The following CMTR1 variants were observed in gnomAD, a reference collection of about 807,000 sequenced individuals.
CMTR1 encodes cap methyltransferase 1, also known as cap-specific mRNA (nucleoside-2'-O-)-methyltransferase 1.
CMTR1 carries 39 observed loss-of-function variants against 107.0 expected under a neutral mutation model. That is an observed-to-expected ratio of 0.36 (90% CI 0.28 to 0.48). CMTR1 has a LOEUF of 0.48. Ranked by LOEUF, CMTR1 falls within the 20% of genes least tolerant of loss-of-function variation. CMTR1 has a pLI of 0.99. For synonymous variants in CMTR1, 366 were observed against 379.5 expected, an observed-to-expected ratio of 0.96 and a Z score of 0.41; for missense variants, 672 against 1,064.9, an observed-to-expected ratio of 0.63 and a Z score of 5.14.
upstream of CMTR1, among the ~76,000 whole-genome samples, chr6:37,431,278 T>A (rs768536039): frequency 1.4e-4 from 22 of 152,318 alleles, no homozygotes; most frequent in Non-Finnish European, 1.5e-4. Context: ...ATTTTGAGAA[T>A]GGGTCCATAA....
chr6:37,452,932 A>T (rs945356266), intron 6 of CMTR1, 115 bp from the exon 7 acceptor site: 14 of 861,394 alleles, frequency 1.6e-5, no homozygotes, highest in Middle Eastern at 3.5e-4. Flanking sequence ...GACATTTCAG[A>T]GCTGAGATGC....
At chr6:37,465,178 G>C (rs528706222) in intron 13 of CMTR1, among the ~76,000 whole-genome samples, 2 of 151,770 alleles carry the variant, frequency 1.3e-5, no homozygotes, top group East Asian at 1.9e-4. Flanking sequence ...TGAGGCAGGA[G>C]AATCGCTTGA....
chr6:37,462,906 A>C lies in CMTR1; in HGVS notation c.1403A>C (p.Asn468Thr), dbSNP rs147062806. ...CTCTTCGCAGTGAATATTAAACTCA[A>C]TCAGCTGCGGAACACGGATTCCGAC... ...DYLFAVNIKLNQLRNTDSDVN... is the reference protein window; with the variant it reads ...DYLFAVNIKLTQLRNTDSDVN... The change falls in exon 13 of 24, where the codon AAT (asparagine) becomes ACT (threonine). Residue 468 changes from asparagine to threonine, a missense_variant. Physicochemically the swap from Asn to Thr is moderately conservative, Grantham distance 65. Around this residue, in one of 2 missense-constraint regions of CMTR1, gnomAD observed 583 missense variants for 968.4 expected, o/e 0.60. Coordinates refer to ENST00000373451, the MANE Select transcript of CMTR1 (RefSeq NM_015050.3). The C allele has an allele frequency of 8.1e-6, 13 of 1,614,130 alleles. No individual in the cohort carries two copies. The South Asian group carries it at 1.4e-4, about 18-fold the overall frequency.
intron 1 of CMTR1, among the ~76,000 whole-genome samples, chr6:37,434,655 G>C (rs1771480641): frequency 6.6e-6 from 1 of 152,094 alleles, no homozygotes; most frequent in African/African-American, 2.4e-5. Context: ...ACGGAGTCTT[G>C]CTCTGTCGCC....
chr6:37,456,572 G>A (rs990327033), intron 8 of CMTR1, among the ~76,000 whole-genome samples: 2 of 152,112 alleles, frequency 1.3e-5, no homozygotes, highest in African/African-American at 2.4e-5. Context: ...TTCTTTCTTG[G>A]GACTGTTTCC....
At chr6:37,455,952 C>T (rs1761284150) in intron 8 of CMTR1, among the ~76,000 whole-genome samples, 1 of 152,232 alleles carries the variant, frequency 6.6e-6, no homozygotes, top group Non-Finnish European at 1.5e-5. Flanking sequence ...CTTAACTGCA[C>T]AGTCAGTAAG....
At position 37,481,310 on chromosome 6, in the gene CMTR1, G is replaced by C. The variant is rs1212259475; in HGVS notation, c.*1165G>C. The C allele has an allele frequency of 8.3e-7, 1 of 1,211,596 alleles. No homozygotes were observed. Among genetic ancestry groups the C allele is most frequent in the Non-Finnish European group, 1.0e-6 (1 of 952,876 alleles). The allele number at this position is 1,211,596 out of a possible 1,614,324, so 75.1% of individuals were successfully genotyped here. On this transcript the variant is annotated 3_prime_UTR_variant, in exon 24 of 24. Transcript: ENST00000373451. Reference sequence around the variant, plus strand: ...CCCTAGGGCCCCATCCCAGTGCCAGGCTGGTTTCCATGGAGATAGGGCACT... The same window carrying C: ...CCCTAGGGCCCCATCCCAGTGCCAGCCTGGTTTCCATGGAGATAGGGCACT...
At position 37,472,454 on chromosome 6, in the gene CMTR1, C is replaced by T. The variant is rs184294201; in HGVS notation, c.1656C>T (p.Ser552=). ...PDQARVAPSS[S]DPKSKFFELI... ...AGGCTCGTGTGGCTCCTTCTTCCTCCGACCCTAAATCGAAGTTCTTTGAGC... is the reference window on the plus strand; with the variant it reads ...AGGCTCGTGTGGCTCCTTCTTCCTCTGACCCTAAATCGAAGTTCTTTGAGC... Residue 552 remains serine, a synonymous_variant, in exon 16 of 24, where the codon TCC becomes TCT. Transcript: ENST00000373451. The surrounding 1 kb of genome is among the most constrained non-coding windows in gnomAD (Gnocchi z 4.1). 2.6e-4 allele frequency: 425 copies of T among 1,614,180 alleles called. 3 individuals are homozygous for T. In the East Asian group the frequency reaches 7.7e-3, roughly 29 times the overall value.
chr6:37,460,436 T>C (rs1472337229), intron 10 of CMTR1, among the ~76,000 whole-genome samples: 2 of 151,988 alleles, frequency 1.3e-5, no homozygotes, highest in East Asian at 3.9e-4. Context: ...CTGATAGCGC[T>C]AATGAGGCAG....
rs1248229080 is a variant in CMTR1, at chr6:37,479,223, T to C, written c.2343T>C (p.Phe781=). The C allele has an allele frequency of 3.1e-6, 5 of 1,613,938 alleles. No individual in the cohort carries two copies. Among genetic ancestry groups the C allele is most frequent in the Middle Eastern group, 1.6e-4 (1 of 6,062 alleles). The part of the protein sequence containing the change: ...FYNKKTKDST[F]DLPADSIAPF... ...ACAAGAAAACCAAGGACTCTACTTTTGACCTCCCTGCAGACTCCATTGCCC... is the reference window on the plus strand; with the variant it reads ...ACAAGAAAACCAAGGACTCTACTTTCGACCTCCCTGCAGACTCCATTGCCC... The change falls in exon 23 of 24, where the codon TTT becomes TTC. Residue 781 remains phenylalanine (F), a synonymous_variant. Transcript: ENST00000373451.
At chr6:37,446,208 T>G in intron 3 of CMTR1, 83 bp from the exon 4 acceptor site, 1 of 1,422,600 alleles carries the variant, frequency 7.0e-7, no homozygotes, top group Non-Finnish European at 9.7e-7. Context: ...TCTTAGGATT[T>G]AGCACACTGT....
intron 13 of CMTR1, among the ~76,000 whole-genome samples, chr6:37,468,159 C>A (rs549241559): frequency 6.8e-6 from 1 of 146,168 alleles, no homozygotes; most frequent in Non-Finnish European, 1.5e-5. Context: ...TTTTTAGATG[C>A]CTTTTTTTTT....
Position 37,462,908 on chromosome 6 carries a change from C to T in CMTR1, c.1405C>T (p.Gln469Ter), listed in dbSNP as rs1183638930. The T allele has an allele frequency of 6.2e-7, 1 of 1,614,000 alleles. No homozygotes were observed. The highest frequency in any genetic ancestry group is 8.5e-7 in the Non-Finnish European group (1 of 1,180,028). Reference protein sequence around the residue: ...YLFAVNIKLNQLRNTDSDVNL... With the variant: ...YLFAVNIKLN Reference sequence around the variant, plus strand: ...CTTCGCAGTGAATATTAAACTCAATCAGCTGCGGAACACGGATTCCGACGT... The same window carrying T: ...CTTCGCAGTGAATATTAAACTCAATTAGCTGCGGAACACGGATTCCGACGT... The change falls in exon 13 of 24, where the codon CAG becomes TAG. Residue 469 changes from glutamine (Q) to a stop codon, truncating the protein, a stop_gained. Coordinates refer to ENST00000373451, the MANE Select transcript of CMTR1 (RefSeq NM_015050.3). LOFTEE classifies it high-confidence loss of function.
Position 37,481,367 on chromosome 6 carries a change from C to A in CMTR1, c.*1222C>A. ...CCCGTGAGGTTGGAATCGACTTCAC[C>A]ATGGGGGTCCTTCAGCCAGCATCCA... On this transcript the variant is annotated 3_prime_UTR_variant, in exon 24 of 24. Transcript: ENST00000373451. The A allele has an allele frequency of 8.4e-7, 1 of 1,188,986 alleles. No homozygotes were observed. The highest frequency in any genetic ancestry group is 1.1e-6 in the Non-Finnish European group (1 of 943,142). The allele number at this position is 1,188,986 out of a possible 1,614,324, so 73.7% of individuals were successfully genotyped here.
chr6:37,471,428 G>A (rs1328833140), intron 14 of CMTR1, among the ~76,000 whole-genome samples: 2 of 152,166 alleles, frequency 1.3e-5, no homozygotes, highest in East Asian at 3.8e-4. Context: ...ACTGATCAGA[G>A]AAACCTCGGG....
At chr6:37,468,922 G>C (rs969668860) in intron 13 of CMTR1, among the ~76,000 whole-genome samples, 2 of 151,506 alleles carry the variant, frequency 1.3e-5, no homozygotes, top group African/African-American at 4.9e-5. Context: ...AATGTATTTA[G>C]ACTGGGCATG....
chr6:37,435,825 A>C (rs945213997), intron 2 of CMTR1, 63 bp downstream of exon 2: 2 of 1,506,080 alleles, frequency 1.3e-6, no homozygotes, highest in African/African-American at 1.4e-5. Flanking sequence ...ACAGTGTCTA[A>C]TCTAGGTGGA....
chr6:37,461,917 C>T, intron 11 of CMTR1, 53 bp from the exon 12 acceptor site: 1 of 1,590,362 alleles, frequency 6.3e-7, no homozygotes, highest in Admixed American at 1.7e-5. Flanking sequence ...CTACTTCACC[C>T]ATCTCTTGGA....
At chr6:37,432,261 G>A (rs1331688865), upstream of CMTR1, among the ~76,000 whole-genome samples, 4 of 152,220 alleles carry the variant, frequency 2.6e-5, no homozygotes, top group African/African-American at 9.6e-5. Flanking sequence ...TAAGAGCAAT[G>A]GGACATCATT....
Sources: gnomAD v4.1 joint callset for allele counts (sites outside exome capture counted in the v4.1 genomes callset) on GRCh38, gnomAD v4.1.1 for gene constraint, gnomAD v4.1.1 regional missense constraint, Gnocchi (gnomAD v3.1) non-coding constraint, MANE v1.5 for transcripts, NCBI Gene and HGNC (gene_info 2026-07-23, HGNC 2026-07-21) for gene names.